Variants in NAV2 observed in about 807,000 individuals in gnomAD.
NAV2 encodes the protein neuron navigator 2, also known as helicase, APC down-regulated 1.
A neutral mutation model predicts 223.2 loss-of-function variants in NAV2; 54 were observed. The observed-to-expected ratio is 0.24, with a 90% CI of 0.19 to 0.30. The LOEUF (loss-of-function observed/expected upper bound fraction) is 0.30, where lower values mean the gene tolerates loss of function less well. NAV2 is among the 10% of genes least tolerant of loss of function. NAV2 has a pLI of 1.00. For synonymous variants in NAV2, 1,279 were observed against 1,239.3 expected (o/e 1.03, Z -0.67); for missense variants, 2,806 against 3,147.5 (o/e 0.89, Z 2.60).
At chr11:19,729,704 A>G (rs543293301) in intron 1 of NAV2, among the ~76,000 whole-genome samples, 2 of 152,230 alleles carry the variant, frequency 1.3e-5, no homozygotes, top group Admixed American at 6.5e-5. Context: ...GTTGAGTGCC[A>G]TTTCTCCTTA....
intron 1 of NAV2, among the ~76,000 whole-genome samples, chr11:19,632,751 G>A (rs904669646): frequency 1.3e-5 from 2 of 152,194 alleles, no homozygotes; most frequent in Non-Finnish European, 2.9e-5. Context: ...TAGAAACCAC[G>A]GATGTTATAA....
At chr11:19,815,670 A>G (rs556425990) in intron 1 of NAV2, among the ~76,000 whole-genome samples, 6 of 152,356 alleles carry the variant, frequency 3.9e-5, no homozygotes, top group African/African-American at 9.6e-5. Context: ...CTTGTGGCAT[A>G]AAGATGACTG....
intron 1 of NAV2, among the ~76,000 whole-genome samples, chr11:19,724,975 AG>A (rs2051116370): frequency 6.6e-6 from 1 of 152,238 alleles, no homozygotes; most frequent in Non-Finnish European, 1.5e-5. Context: ...TGCCCTGTCA[AG>A]CCTCAATTTC....
chr11:19,812,334 G>A (rs1263012957), intron 1 of NAV2, among the ~76,000 whole-genome samples: 1 of 151,976 alleles, frequency 6.6e-6, no homozygotes, highest in Non-Finnish European at 1.5e-5. Flanking sequence ...GGCCATTCTT[G>A]ATTTCCCAAC....
intron 1 of NAV2, among the ~76,000 whole-genome samples, chr11:19,686,490 G>C (rs1054801738): frequency 1.3e-5 from 2 of 152,156 alleles, no homozygotes; most frequent in African/African-American, 2.4e-5. Context: ...AGGTCATAGG[G>C]GTTGCCTGTT....
chr11:19,802,072 A>C (rs955454440), intron 1 of NAV2, among the ~76,000 whole-genome samples: 1 of 152,114 alleles, frequency 6.6e-6, no homozygotes, highest in Non-Finnish European at 1.5e-5. Flanking sequence ...TGATATTATG[A>C]CTCGTGAAAG....
rs182466824 is a variant in NAV2, at chr11:20,074,531, G to A, written c.4984-3021G>A. 9.3e-4 allele frequency among the ~76,000 whole-genome samples: 141 copies of A among 152,100 alleles called. No homozygotes were observed. In the South Asian group the frequency reaches 0.019, roughly 20 times the overall value. On this transcript the variant is annotated intron_variant, in intron 22 of 37. Coordinates refer to ENST00000349880, the MANE Select transcript of NAV2 (RefSeq NM_145117.5). ...TTCATCTGTCTAATATTGACAGTAG[G>A]GTGTTAAAGTCTCCCACTGTTATTG...
chr11:19,736,606 C>A (rs756360683), intron 1 of NAV2, among the ~76,000 whole-genome samples: 14 of 152,242 alleles, frequency 9.2e-5, no homozygotes, highest in Non-Finnish European at 1.9e-4. Flanking sequence ...AATGCTCCTG[C>A]ACTGAAGTGC....
At chr11:19,913,225 C>T (rs189163179) in intron 6 of NAV2, among the ~76,000 whole-genome samples, 17 of 152,216 alleles carry the variant, frequency 1.1e-4, no homozygotes, top group Admixed American at 9.8e-4. Context: ...AGATGCATTG[C>T]CTGGTACATT....
chr11:19,507,446 A>C (rs1274890314), intron 1 of NAV2, among the ~76,000 whole-genome samples: 1 of 152,236 alleles, frequency 6.6e-6, no homozygotes, highest in Middle Eastern at 3.2e-3. Flanking sequence ...ACAGGATTTT[A>C]CAGGATTTTG....
intron 11 of NAV2, among the ~76,000 whole-genome samples, chr11:20,013,275 T>G (rs2053721883): frequency 6.6e-6 from 1 of 152,252 alleles, no homozygotes; most frequent in Non-Finnish European, 1.5e-5. Context: ...CTGTTGGTTT[T>G]CAGAACCAAT....
At chr11:19,718,494 C>G (rs1181872706) in intron 1 of NAV2, among the ~76,000 whole-genome samples, 1 of 145,706 alleles carries the variant, frequency 6.9e-6, no homozygotes, top group Non-Finnish European at 1.5e-5. Flanking sequence ...TAGAGGAGGC[C>G]CCTGGGAAGA....
intron 1 of NAV2, among the ~76,000 whole-genome samples, chr11:19,356,311 G>A (rs1564872584): frequency 6.6e-6 from 1 of 152,166 alleles, no homozygotes; most frequent in Non-Finnish European, 1.5e-5. Flanking sequence ...CCAATTCCCA[G>A]CCTTCATCTC....
chr11:19,553,727 C>T (rs2044768993), intron 1 of NAV2, among the ~76,000 whole-genome samples: 1 of 152,244 alleles, frequency 6.6e-6, no homozygotes, highest in Non-Finnish European at 1.5e-5. Flanking sequence ...AGATTGAATC[C>T]AGCCTTTGCT....
At chr11:19,459,778 T>C (rs1390247131) in intron 1 of NAV2, among the ~76,000 whole-genome samples, 1 of 152,180 alleles carries the variant, frequency 6.6e-6, no homozygotes, top group African/African-American at 2.4e-5. Context: ...TGGAATCAGA[T>C]TGAGGAGCCA....
intron 14 of NAV2, among the ~76,000 whole-genome samples, chr11:20,046,365 A>T (rs1169971563): frequency 1.3e-5 from 2 of 151,722 alleles, no homozygotes; most frequent in African/African-American, 4.8e-5. Flanking sequence ...GTTAGCTACC[A>T]TCCAATCCAG....
At chr11:19,813,960 G>C (rs1438780185) in intron 1 of NAV2, among the ~76,000 whole-genome samples, 1 of 152,190 alleles carries the variant, frequency 6.6e-6, no homozygotes, top group Non-Finnish European at 1.5e-5. Context: ...TTTCTATGCA[G>C]AGCAGAGACC....
At chr11:19,789,724 G>A (rs932928524) in intron 1 of NAV2, among the ~76,000 whole-genome samples, 1 of 152,212 alleles carries the variant, frequency 6.6e-6, no homozygotes, top group African/African-American at 2.4e-5. Context: ...TGGAGAACAG[G>A]ATAGCATATA....
At chr11:19,878,455 C>T (rs2153083386) in intron 4 of NAV2, among the ~76,000 whole-genome samples, 1 of 152,162 alleles carries the variant, frequency 6.6e-6, no homozygotes, top group East Asian at 1.9e-4. Context: ...TTACTGAGGC[C>T]CGGAGAGATT....
Sources: allele counts gnomAD v4.1 joint callset (sites outside exome capture counted in the v4.1 genomes callset), GRCh38; gene constraint gnomAD v4.1.1; transcripts MANE v1.5; gene names NCBI Gene and HGNC (gene_info 2026-07-23, HGNC 2026-07-21).